CCDC148: variants seen among roughly 807,000 people sequenced by gnomAD.
The protein encoded by CCDC148 is coiled-coil domain containing 148.
A neutral mutation model predicts 85.7 loss-of-function variants in CCDC148; 89 were observed. The observed-to-expected ratio is 1.04, with a 90% CI of 0.87 to 1.24. CCDC148 has a LOEUF of 1.24. Ranked by LOEUF, CCDC148 falls within the 50% of genes most tolerant of loss-of-function variation. The pLI is 0.00. For synonymous variants in CCDC148, 230 were observed against 213.9 expected (o/e 1.08, Z -0.66); for missense variants, 692 against 671.7 (o/e 1.03, Z -0.33).
chr2:158,303,608 A>C (rs953801443), intron 9 of CCDC148, among the ~76,000 whole-genome samples: 2 of 152,206 alleles, frequency 1.3e-5, no homozygotes, highest in African/African-American at 4.8e-5. Flanking sequence ...TCAGTCCCTC[A>C]TCAGGAATAC....
chr2:158,410,044 C>A (rs1413421671), intron 1 of CCDC148, among the ~76,000 whole-genome samples: 1 of 152,138 alleles, frequency 6.6e-6, no homozygotes, highest in African/African-American at 2.4e-5. Context: ...ACTGTGAGTC[C>A]ATTAAAATTA....
At chr2:158,261,895 A>T (rs1418459163) in intron 9 of CCDC148, among the ~76,000 whole-genome samples, 4 of 152,128 alleles carry the variant, frequency 2.6e-5, no homozygotes, top group Admixed American at 2.6e-4. Context: ...GAGAAAAGAG[A>T]ACCCTTAAAC....
chr2:158,444,621 A>G (rs1688080478), intron 1 of CCDC148, among the ~76,000 whole-genome samples: 1 of 151,740 alleles, frequency 6.6e-6, no homozygotes, highest in Admixed American at 6.6e-5. Context: ...TCTCTATAAA[A>G]AATAAACAAA....
At chr2:158,363,929 CA>C (rs1684081230) in intron 1 of CCDC148, among the ~76,000 whole-genome samples, 1 of 152,132 alleles carries the variant, frequency 6.6e-6, no homozygotes, top group African/African-American at 2.4e-5. Context: ...CGTCTCAGCC[CA>C]AAATGTCTTC....
At chr2:158,409,345 C>A (rs1686160616) in intron 1 of CCDC148, among the ~76,000 whole-genome samples, 1 of 152,212 alleles carries the variant, frequency 6.6e-6, no homozygotes. Flanking sequence ...CTATATCCTA[C>A]AAAGCCACAG....
chr2:158,315,527 G>A (rs1216189017), intron 7 of CCDC148, among the ~76,000 whole-genome samples: 1 of 151,988 alleles, frequency 6.6e-6, no homozygotes, highest in Non-Finnish European at 1.5e-5. Flanking sequence ...GATTATAAAT[G>A]TGGATGTATG....
At chr2:158,279,538 G>C (rs535428929) in intron 9 of CCDC148, among the ~76,000 whole-genome samples, 11,402 of 151,788 alleles carry the variant, frequency 0.075, 641 homozygotes, top group Middle Eastern at 0.12. Context: ...GATGGAAGAT[G>C]AAATGAATGA....
At chr2:158,311,735 A>G (rs1440404927) in intron 8 of CCDC148, among the ~76,000 whole-genome samples, 1 of 152,228 alleles carries the variant, frequency 6.6e-6, no homozygotes, top group Non-Finnish European at 1.5e-5. Flanking sequence ...CTGAAAATTC[A>G]CAATTTTACC....
chr2:158,197,095 G>A (rs1174261397), intron 11 of CCDC148, among the ~76,000 whole-genome samples: 2 of 152,080 alleles, frequency 1.3e-5, no homozygotes, highest in African/African-American at 4.8e-5. Flanking sequence ...GGCTAATGGG[G>A]AACTGAAAGT....
chr2:158,224,932 G>A (rs1329850816), intron 10 of CCDC148, among the ~76,000 whole-genome samples: 1 of 151,976 alleles, frequency 6.6e-6, no homozygotes, highest in Admixed American at 6.6e-5. Flanking sequence ...CATAATGACA[G>A]GATCAAATTC....
At chr2:158,398,106 G>C (rs1685610882) in intron 1 of CCDC148, among the ~76,000 whole-genome samples, 1 of 152,078 alleles carries the variant, frequency 6.6e-6, no homozygotes. Context: ...ACCCAATACA[G>C]GAGCACCCAG....
At chr2:158,252,639 C>T (rs549885733) in intron 9 of CCDC148, among the ~76,000 whole-genome samples, 1 of 151,774 alleles carries the variant, frequency 6.6e-6, no homozygotes, top group South Asian at 2.1e-4. Flanking sequence ...TTTCTCTCCC[C>T]TGTTTCTCTA....
rs368839737 is a variant in CCDC148 at position 158,218,221 on chromosome 2, C to A, written c.1370+2374G>T. Among the ~76,000 whole-genome samples the A allele has an allele frequency of 1.5e-3, 224 of 152,226 alleles. 5 individuals carry two copies. The highest frequency in any genetic ancestry group is 5.3e-3 in the African/African-American group (219 of 41,540). ...ACGAGTTGAACAAACATATCATAGG[C>A]CCTTAAAAGTGGATCAACTCTGTCC... On this transcript the variant is annotated intron_variant, in intron 11 of 13. Transcript: ENST00000283233.
At chr2:158,222,612 AG>A (rs1412707516) in intron 10 of CCDC148, among the ~76,000 whole-genome samples, 3 of 152,124 alleles carry the variant, frequency 2.0e-5, no homozygotes, top group Admixed American at 2.0e-4. Context: ...TTTTGAGTGA[AG>A]GATACTCATA....
At chr2:158,224,084 G>A (rs1396686350) in intron 10 of CCDC148, among the ~76,000 whole-genome samples, 1 of 152,132 alleles carries the variant, frequency 6.6e-6, no homozygotes, top group Non-Finnish European at 1.5e-5. Flanking sequence ...AAAATTAGAC[G>A]AATGGCTAAC....
At position 158,344,858 on chromosome 2, in the gene CCDC148, G is replaced by A. The variant is rs144977964; in HGVS notation, c.251+357C>T. ...AATGAATATGATGAGATGTTTGCCC[G>A]TGATAGGATCTTTACCACTTTATAG... On this transcript the variant is annotated intron_variant, in intron 3 of 13. Coordinates refer to ENST00000283233, the MANE Select transcript of CCDC148 (RefSeq NM_138803.4). 1.1e-4 allele frequency among the ~76,000 whole-genome samples: 16 copies of A among 152,134 alleles called. No homozygotes were observed. In the East Asian group the frequency reaches 1.9e-3, roughly 18 times the overall value.
chr2:158,240,869 G>C (rs1284107973), intron 10 of CCDC148, among the ~76,000 whole-genome samples: 1 of 152,174 alleles, frequency 6.6e-6, no homozygotes, highest in East Asian at 1.9e-4. Context: ...CCCTATTGGA[G>C]TCAGTTAGGG....
intron 10 of CCDC148, among the ~76,000 whole-genome samples, chr2:158,238,924 C>A (rs115656805): frequency 7.8e-4 from 119 of 152,256 alleles, no homozygotes; most frequent in African/African-American, 2.7e-3. Context: ...TGTCTAAAAT[C>A]ATACCGGTCA....
intron 9 of CCDC148, among the ~76,000 whole-genome samples, chr2:158,307,775 A>G (rs2105206706): frequency 6.6e-6 from 1 of 152,348 alleles, no homozygotes; most frequent in Non-Finnish European, 1.5e-5. Flanking sequence ...AGAAGTACAA[A>G]GGACTATATA....
Sources: gnomAD v4.1 joint callset for allele counts (sites outside exome capture counted in the v4.1 genomes callset) on GRCh38, gnomAD v4.1.1 for gene constraint, MANE v1.5 for transcripts, NCBI Gene and HGNC (gene_info 2026-07-23, HGNC 2026-07-21) for gene names.